RALGPS1: variants seen among roughly 807,000 people sequenced by gnomAD.
RALGPS1 encodes Ral GEF with PH domain and SH3 binding motif 1.
Under a neutral mutation model 78.8 loss-of-function variants are expected in RALGPS1, and 19 were observed. The observed-to-expected ratio is 0.24, with a 90% CI of 0.17 to 0.35. The LOEUF is 0.35. Among genes scored for constraint, RALGPS1 ranks in the 10% least tolerant of loss-of-function variants. RALGPS1 has a pLI of 1.00. For synonymous variants in RALGPS1, 228 were observed against 256.3 expected, an observed-to-expected ratio of 0.89 and a Z score of 1.06; for missense variants, 454 against 688.3, an observed-to-expected ratio of 0.66 and a Z score of 3.81.
At chr9:127,109,712 A>C (rs958138890) in intron 8 of RALGPS1, among the ~76,000 whole-genome samples, 1 of 152,254 alleles carries the variant, frequency 6.6e-6, no homozygotes, top group African/African-American at 2.4e-5. Flanking sequence ...CTAGGGATAC[A>C]GCTACCAACA....
At chr9:126,979,297 G>A (rs902669681) in intron 4 of RALGPS1, among the ~76,000 whole-genome samples, 4 of 151,882 alleles carry the variant, frequency 2.6e-5, no homozygotes, top group Admixed American at 2.0e-4. Flanking sequence ...GTGTTCATTA[G>A]GGTTGGGGAA....
intron 13 of RALGPS1, among the ~76,000 whole-genome samples, chr9:127,197,108 A>G (rs2061388172): frequency 6.6e-6 from 1 of 152,162 alleles, no homozygotes; most frequent in Admixed American, 6.5e-5. Flanking sequence ...GGAGGATGAA[A>G]AATTGATATT....
chr9:126,969,785 G>T (rs192034385), intron 3 of RALGPS1, among the ~76,000 whole-genome samples: 7 of 152,296 alleles, frequency 4.6e-5, no homozygotes, highest in Middle Eastern at 3.4e-3. Context: ...AGCCTCAGCC[G>T]TAGGGTATTG....
At chr9:127,181,798 A>G (rs2060238596) in intron 11 of RALGPS1, among the ~76,000 whole-genome samples, 1 of 151,950 alleles carries the variant, frequency 6.6e-6, no homozygotes. Context: ...TAATTGGAGC[A>G]TAGGGTCATA....
chr9:127,187,303 C>T (rs1003575310), intron 11 of RALGPS1, among the ~76,000 whole-genome samples: 18 of 152,210 alleles, frequency 1.2e-4, no homozygotes, highest in African/African-American at 4.3e-4. Context: ...TAGATCACTT[C>T]AGATATGGCC....
At chr9:127,162,983 A>C (rs1419538535) in intron 8 of RALGPS1, among the ~76,000 whole-genome samples, 1 of 151,952 alleles carries the variant, frequency 6.6e-6, no homozygotes, top group Non-Finnish European at 1.5e-5. Flanking sequence ...TTCTCCTCCT[A>C]CTTTCCAGGG....
chr9:127,175,781 C>T (rs1388118980), intron 11 of RALGPS1, among the ~76,000 whole-genome samples: 1 of 151,268 alleles, frequency 6.6e-6, no homozygotes, highest in East Asian at 1.9e-4. Context: ...GGAAGGCACT[C>T]GGCTCAGAGT....
In RALGPS1 at chr9:127,059,217, C is replaced by G. The variant is rs527390159; in HGVS notation, c.483+6278C>G. 2.6e-5 allele frequency among the ~76,000 whole-genome samples: 4 copies of G among 152,280 alleles called. No homozygotes were observed. The South Asian group carries it at 8.3e-4, about 32-fold the overall frequency. On this transcript the variant is annotated intron_variant, in intron 7 of 18. Transcript: ENST00000259351. ...GATGCAGTGCCTCAGTAGCCACCCT[C>G]TGATGTTGTTGAGAAGGTGGTGATA...
chr9:126,998,377 A>G (rs1441523928), intron 4 of RALGPS1, among the ~76,000 whole-genome samples: 5 of 152,250 alleles, frequency 3.3e-5, no homozygotes, highest in Admixed American at 3.3e-4. Context: ...GACACTTCTC[A>G]AAAGAAGACA....
At chr9:127,190,910 A>T (rs903462308) in intron 11 of RALGPS1, among the ~76,000 whole-genome samples, 1 of 152,050 alleles carries the variant, frequency 6.6e-6, no homozygotes, top group East Asian at 1.9e-4. Flanking sequence ...GTCAGGCTAA[A>T]TTTTTTATTT....
intron 1 of RALGPS1, among the ~76,000 whole-genome samples, chr9:126,934,298 A>G (rs572641631): frequency 1.3e-5 from 2 of 152,322 alleles, no homozygotes; most frequent in East Asian, 1.9e-4. Context: ...TATTTTCCCT[A>G]CTTTTATAGT....
chr9:127,195,116 G>A lies in RALGPS1; in HGVS notation c.936G>A (p.Ala312=), dbSNP rs780362034. ...GTCCCTCTGCTGGCTCCGGTTCTGC[G>A]AGGTTCAGCCGGAGGCCCACCTGTC... ...LAGPSAGSGS[A]RFSRRPTCPD... Residue 312 remains alanine (A), a synonymous_variant, in exon 12 of 19, where the codon GCG becomes GCA. Transcript: ENST00000259351. 6 of 1,613,478 alleles carry A rather than the reference G, an allele frequency of 3.7e-6. No homozygotes were observed. The highest frequency in any genetic ancestry group is 3.3e-5 in the Admixed American group (2 of 60,012).
chr9:127,134,936 A>G (rs1482757579), intron 8 of RALGPS1, among the ~76,000 whole-genome samples: 2 of 152,126 alleles, frequency 1.3e-5, no homozygotes, highest in Non-Finnish European at 2.9e-5. Flanking sequence ...TGAGTCCAAG[A>G]TGGGCACTGT....
At chr9:126,953,042 T>G (rs944122175) in intron 1 of RALGPS1, among the ~76,000 whole-genome samples, 1 of 152,184 alleles carries the variant, frequency 6.6e-6, no homozygotes, top group Non-Finnish European at 1.5e-5. Flanking sequence ...GAAAAAGTGA[T>G]TATTATGCCT....
At chr9:127,037,607 C>A (rs140839975) in intron 5 of RALGPS1, among the ~76,000 whole-genome samples, 1 of 152,266 alleles carries the variant, frequency 6.6e-6, no homozygotes, top group South Asian at 2.1e-4. Flanking sequence ...TGGTCTTGCT[C>A]TCTCCACCTC....
chr9:127,196,350 C>T, intron 12 of RALGPS1, 124 bp from the exon 13 acceptor site: 2 of 1,075,590 alleles, frequency 1.9e-6, no homozygotes, highest in Non-Finnish European at 2.7e-6. Flanking sequence ...CTGGGCTGTA[C>T]CGTGGCTCTG....
chr9:127,184,359 A>C, intron 11 of RALGPS1: 2 of 325,642 alleles, frequency 6.1e-6, no homozygotes, highest in Non-Finnish European at 1.2e-5. Flanking sequence ...GGCCCTCTAA[A>C]TGATGTGTGA....
intron 8 of RALGPS1, chr9:127,088,595 A>G (rs2052053746): frequency 2.9e-6 from 1 of 339,576 alleles, no homozygotes; most frequent in Non-Finnish European, 5.5e-6. Context: ...TGGTATACAC[A>G]TACGTGCACA....
At chr9:127,055,401 A>G (rs1181746694) in intron 7 of RALGPS1, among the ~76,000 whole-genome samples, 6 of 152,164 alleles carry the variant, frequency 3.9e-5, no homozygotes, top group Admixed American at 2.6e-4. Context: ...AGTTTTCTGT[A>G]GAGATGGTGC....
Sources: allele counts gnomAD v4.1 joint callset (sites outside exome capture counted in the v4.1 genomes callset), GRCh38; gene constraint gnomAD v4.1.1; transcripts MANE v1.5; gene names NCBI Gene and HGNC (gene_info 2026-07-23, HGNC 2026-07-21).